The following PRDM5 variants were observed in gnomAD, a reference collection of about 807,000 sequenced individuals.
The protein encoded by PRDM5 is PR/SET domain 5.
A neutral mutation model predicts 81.2 loss-of-function variants in PRDM5; 56 were observed. The ratio of observed to expected loss-of-function variants is 0.69; its 90% CI spans 0.56 to 0.86. The LOEUF is 0.86. PRDM5 is among the 40% of genes least tolerant of loss of function. The pLI is 0.00. For synonymous variants in PRDM5, 267 were observed against 256.4 expected (o/e 1.04, Z -0.39); for missense variants, 697 against 770.1 (o/e 0.91, Z 1.12).
intron 2 of PRDM5, among the ~76,000 whole-genome samples, chr4:120,900,367 T>G (rs530632653): frequency 3.6e-4 from 54 of 152,098 alleles, no homozygotes; most frequent in Non-Finnish European, 7.2e-4. Context: ...CAAAAAACAC[T>G]CTTATACTCT....
chr4:120,752,754 C>T (rs749644342), intron 14 of PRDM5, among the ~76,000 whole-genome samples: 19 of 152,102 alleles, frequency 1.2e-4, no homozygotes, highest in Non-Finnish European at 2.4e-4. Flanking sequence ...CTCAACTCTG[C>T]CACTTACTTG....
At chr4:120,750,180 C>T (rs879840465) in intron 14 of PRDM5, among the ~76,000 whole-genome samples, 22 of 152,302 alleles carry the variant, frequency 1.4e-4, no homozygotes, top group East Asian at 5.8e-4. Flanking sequence ...AGGACACTGC[C>T]GCTGACCCTG....
intron 13 of PRDM5, among the ~76,000 whole-genome samples, chr4:120,755,481 T>C (rs576181767): frequency 7.2e-4 from 109 of 152,318 alleles, no homozygotes; most frequent in African/African-American, 2.6e-3. Context: ...ATAAAATATT[T>C]TCCTTCAGCT....
chr4:120,706,222 A>T (rs1347341113), intron 15 of PRDM5, among the ~76,000 whole-genome samples: 1 of 152,114 alleles, frequency 6.6e-6, no homozygotes, highest in Non-Finnish European at 1.5e-5. Flanking sequence ...AAGTCACTCA[A>T]CCTCAGTGAA....
At chr4:120,685,234 A>G (rs78300894) in intron 1 of PRDM5, among the ~76,000 whole-genome samples, 3,967 of 152,116 alleles carry the variant, frequency 0.026, 92 homozygotes, top group African/African-American at 0.065. Flanking sequence ...TTTTGTTAAT[A>G]AGGAGGTAGG....
intron 14 of PRDM5, among the ~76,000 whole-genome samples, chr4:120,729,987 G>T (rs1298345745): frequency 6.6e-6 from 1 of 152,138 alleles, no homozygotes; most frequent in Non-Finnish European, 1.5e-5. Context: ...AACTCAATGG[G>T]AAATTGATAC....
intron 14 of PRDM5, among the ~76,000 whole-genome samples, chr4:120,725,588 A>G (rs1739277836): frequency 6.6e-6 from 1 of 152,196 alleles, no homozygotes; most frequent in East Asian, 1.9e-4. Flanking sequence ...AAAACCATGG[A>G]AAGAGTGATG....
In PRDM5 at chr4:120,763,528, A is replaced by G. The variant is rs71600501; in HGVS notation, c.1538-8890T>C. On this transcript the variant is annotated intron_variant, in intron 13 of 15. Transcript: ENST00000264808. ...GCAGAAAGATCTGAACAATCCAGACACTGGCCAAGTTTTCAAGGTTCCCAT... is the reference window on the plus strand; with the variant it reads ...GCAGAAAGATCTGAACAATCCAGACGCTGGCCAAGTTTTCAAGGTTCCCAT... Among the ~76,000 whole-genome samples the G allele has an allele frequency of 9.7e-3, 1,481 of 152,236 alleles. 18 individuals carry two copies. Among genetic ancestry groups the G allele is most frequent in the Non-Finnish European group, 0.016 (1,080 of 67,994 alleles).
At position 120,815,071 on chromosome 4, in the gene PRDM5, G is replaced by A. The variant is rs555260473; in HGVS notation, c.865+1382C>T. Among the ~76,000 whole-genome samples the A allele has an allele frequency of 1.9e-4, 29 of 152,258 alleles. No individual in the cohort carries two copies. In the East Asian group the frequency reaches 2.9e-3, roughly 15 times the overall value. On this transcript the variant is annotated intron_variant, in intron 7 of 15. Transcript: ENST00000264808. ...TAAGAATGCAAGTCTCCAGAGTTTCGTATGCATCTGGTTTTTTACTTAGTT... is the reference window on the plus strand; with the variant it reads ...TAAGAATGCAAGTCTCCAGAGTTTCATATGCATCTGGTTTTTTACTTAGTT...
intron 1 of PRDM5, among the ~76,000 whole-genome samples, chr4:120,910,082 A>G (rs2148689780): frequency 6.9e-6 from 1 of 145,976 alleles, no homozygotes; most frequent in African/African-American, 2.5e-5. Context: ...AAAAAAAAAA[A>G]GAGTTTTGAC....
intron 2 of PRDM5, among the ~76,000 whole-genome samples, chr4:120,856,312 C>T (rs972520109): frequency 6.6e-6 from 1 of 152,220 alleles, no homozygotes; most frequent in Non-Finnish European, 1.5e-5. Context: ...AACACTATCA[C>T]AACCAGCAAT....
intron 2 of PRDM5, among the ~76,000 whole-genome samples, chr4:120,862,036 A>G (rs763851622): frequency 3.3e-5 from 5 of 152,188 alleles, no homozygotes; most frequent in Non-Finnish European, 7.3e-5. Flanking sequence ...ATCTAACAGT[A>G]TTCTCCTCAA....
At chr4:120,763,856 T>A (rs1430415003) in intron 13 of PRDM5, among the ~76,000 whole-genome samples, 1 of 151,402 alleles carries the variant, frequency 6.6e-6, no homozygotes, top group Non-Finnish European at 1.5e-5. Context: ...CAAGGAAGTA[T>A]CAAGAGTATA....
At chr4:120,688,178 T>C (rs758840644), downstream of PRDM5, among the ~76,000 whole-genome samples, 59 of 152,252 alleles carry the variant, frequency 3.9e-4, no homozygotes, top group Admixed American at 3.2e-3. Flanking sequence ...CCATTCTAAT[T>C]GGTGTGAGGT....
chr4:120,773,502 A>G (rs1747598968), intron 13 of PRDM5, among the ~76,000 whole-genome samples: 2 of 152,156 alleles, frequency 1.3e-5, no homozygotes, highest in Admixed American at 1.3e-4. Flanking sequence ...GTGAGCCAAT[A>G]TTTTCCAAGT....
chr4:120,777,155 G>T (rs756348139), intron 13 of PRDM5, 33 bp downstream of exon 13: 2 of 1,612,802 alleles, frequency 1.2e-6, no homozygotes, highest in East Asian at 2.2e-5. Context: ...TCTCTAAGTG[G>T]TTTTTTCACT....
At chr4:120,810,044 T>A (rs940704957) in intron 8 of PRDM5, among the ~76,000 whole-genome samples, 3 of 152,166 alleles carry the variant, frequency 2.0e-5, no homozygotes, top group African/African-American at 7.2e-5. Context: ...TTTATAAATA[T>A]TTCATTATAC....
chr4:120,895,448 A>C (rs1415341998), intron 2 of PRDM5: 1 of 152,266 alleles, frequency 6.6e-6, no homozygotes, highest in Non-Finnish European at 1.5e-5. Context: ...CAAAGAATGC[A>C]AAATTTCTAA....
chr4:120,889,917 G>A (rs1490531242), intron 2 of PRDM5, among the ~76,000 whole-genome samples: 4 of 152,164 alleles, frequency 2.6e-5, no homozygotes, highest in African/African-American at 9.7e-5. Context: ...GTATTCCATA[G>A]TGTACATTTT....
Sources: gnomAD v4.1 joint callset for allele counts (sites outside exome capture counted in the v4.1 genomes callset) on GRCh38, gnomAD v4.1.1 for gene constraint, MANE v1.5 for transcripts, NCBI Gene and HGNC (gene_info 2026-07-23, HGNC 2026-07-21) for gene names.